Variants in SLC5A1 observed in about 807,000 individuals in gnomAD.
SLC5A1 encodes the protein sodium/glucose cotransporter 1.
Under a neutral mutation model 73.5 loss-of-function variants are expected in SLC5A1, and 42 were observed. That is an observed-to-expected ratio of 0.57 (90% confidence interval 0.45 to 0.74). The LOEUF (loss-of-function observed/expected upper bound fraction) is 0.74, where lower values mean the gene tolerates loss of function less well. Among genes scored for constraint, SLC5A1 ranks in the 30% least tolerant of loss-of-function variants. The pLI is 0.00. For missense variants in SLC5A1, 634 were observed against 855.4 expected, an observed-to-expected ratio of 0.74 and a Z score of 3.23; for synonymous variants, 300 against 317.4, an observed-to-expected ratio of 0.95 and a Z score of 0.58.
chr22:32,055,093 C>T (rs1037464870), intron 2 of SLC5A1, among the ~76,000 whole-genome samples: 1 of 152,156 alleles, frequency 6.6e-6, no homozygotes, highest in African/African-American at 2.4e-5. Context: ...AACCTCTAAA[C>T]GCCAGTGGAA....
intron 1 of SLC5A1, among the ~76,000 whole-genome samples, chr22:32,044,713 A>G (rs1457145604): frequency 6.6e-6 from 1 of 152,146 alleles, no homozygotes. Flanking sequence ...AACATTGGGT[A>G]ACTTCCCTCA....
chr22:32,060,148 C>CT (rs1569302275), intron 2 of SLC5A1, among the ~76,000 whole-genome samples: 1 of 32,522 alleles, frequency 3.1e-5, no homozygotes, highest in African/African-American at 5.7e-5. Flanking sequence ...TACACATACA[C>CT]ACACACACAC....
At chr22:32,070,623 T>C (rs929074966) in intron 5 of SLC5A1, among the ~76,000 whole-genome samples, 1 of 152,148 alleles carries the variant, frequency 6.6e-6, no homozygotes, top group Non-Finnish European at 1.5e-5. Context: ...CATGAGCCAC[T>C]GCACCCGGCC....
At chr22:32,071,963 C>G (rs1455393332) in intron 5 of SLC5A1, among the ~76,000 whole-genome samples, 1 of 152,128 alleles carries the variant, frequency 6.6e-6, no homozygotes, top group Admixed American at 6.5e-5. Context: ...CACTCACGGA[C>G]CTAACACTGA....
intron 14 of SLC5A1, among the ~76,000 whole-genome samples, chr22:32,105,913 GTCTCAT>G (rs771783623): frequency 2.6e-5 from 4 of 152,136 alleles, no homozygotes; most frequent in Non-Finnish European, 5.9e-5. Flanking sequence ...AAATGACAGG[GTCTCAT>G]TCTTTCTTTA....
intron 1 of SLC5A1, among the ~76,000 whole-genome samples, chr22:32,049,225 C>A (rs867893583): frequency 4.7e-5 from 4 of 84,232 alleles, no homozygotes; most frequent in Non-Finnish European, 1.0e-4. Flanking sequence ...ATATCTATAT[C>A]TATATATATG....
chr22:32,065,153 C>T (rs1298658442), intron 2 of SLC5A1, among the ~76,000 whole-genome samples: 10 of 152,094 alleles, frequency 6.6e-5, no homozygotes, highest in Admixed American at 6.6e-4. Flanking sequence ...CACTATGTTG[C>T]TCAGGCTGGT....
At chr22:32,059,088 G>C (rs2093956282) in intron 2 of SLC5A1, 1 of 985,354 alleles carries the variant, frequency 1.0e-6, no homozygotes, top group African/African-American at 1.7e-5. Context: ...CTGTTAAGTG[G>C]AAGCAGGACT....
rs776373308 is a variant in SLC5A1, at chr22:32,089,016, T to C, written c.1130-2596T>C. On this transcript the variant is annotated intron_variant, in intron 10 of 14. Transcript: ENST00000266088. Reference sequence around the variant, plus strand: ...CACTGTAAAATTATGCACTGTAAAATTGTGTTCAGCAAATATTTGTTGAGT... The same window carrying C: ...CACTGTAAAATTATGCACTGTAAAACTGTGTTCAGCAAATATTTGTTGAGT... 5.2e-4 allele frequency among the ~76,000 whole-genome samples: 79 copies of C among 152,212 alleles called. 1 individual carries two copies. The highest frequency in any genetic ancestry group is 1.0e-3 in the Non-Finnish European group (68 of 68,032).
chr22:32,103,815 A>G (rs1480333689), intron 13 of SLC5A1, among the ~76,000 whole-genome samples: 1 of 152,206 alleles, frequency 6.6e-6, no homozygotes, highest in Non-Finnish European at 1.5e-5. Context: ...TCAAGACTTC[A>G]AAAGTTGCAA....
chr22:32,099,421 C>T (rs2094032671), intron 12 of SLC5A1, 70 bp downstream of exon 12: 10 of 1,381,052 alleles, frequency 7.2e-6, no homozygotes, highest in African/African-American at 1.4e-5. Context: ...TTTGCATATT[C>T]TCTGTGGGAG....
intron 2 of SLC5A1, among the ~76,000 whole-genome samples, chr22:32,062,973 C>T (rs973556818): frequency 2.0e-5 from 3 of 152,052 alleles, no homozygotes; most frequent in African/African-American, 4.8e-5. Flanking sequence ...GGTTGGCTTC[C>T]GGGGAGGCCT....
intron 2 of SLC5A1, among the ~76,000 whole-genome samples, chr22:32,056,074 T>C (rs1422314953): frequency 6.6e-6 from 1 of 152,152 alleles, no homozygotes; most frequent in Non-Finnish European, 1.5e-5. Flanking sequence ...TCTGTGGGAG[T>C]GCAGTGACGT....
chr22:32,082,977 A>C, intron 6 of SLC5A1, 97 bp from the exon 7 acceptor site: 1 of 936,828 alleles, frequency 1.1e-6, no homozygotes, highest in Non-Finnish European at 1.6e-6. Flanking sequence ...TGTTCTCAGA[A>C]GGCCAGCAGA....
At chr22:32,078,819 G>T (rs1303664738) in intron 5 of SLC5A1, among the ~76,000 whole-genome samples, 1 of 151,932 alleles carries the variant, frequency 6.6e-6, no homozygotes, top group Admixed American at 6.6e-5. Flanking sequence ...GCCAGGCATG[G>T]TGGCACGCAA....
chr22:32,047,745 G>A (rs1363043099), intron 1 of SLC5A1, among the ~76,000 whole-genome samples: 1 of 152,182 alleles, frequency 6.6e-6, no homozygotes, highest in African/African-American at 2.4e-5. Context: ...ATCTGTCTCA[G>A]GCATGTTTGA....
intron 4 of SLC5A1, 43 bp downstream of exon 4, chr22:32,068,069 A>G (rs772485348): frequency 1.3e-6 from 2 of 1,586,284 alleles, no homozygotes; most frequent in Admixed American, 1.7e-5. Flanking sequence ...TGGCAAATGT[A>G]TCTGTCAGCT....
Position 32,110,040 on chromosome 22 carries a change from C to A in SLC5A1, c.1822C>A (p.Leu608Ile), listed in dbSNP as rs1470114645. Residue 608 changes from leucine to isoleucine, a missense_variant, in exon 15 of 15, where the codon CTA becomes ATA. By Grantham distance (5) the Leu-to-Ile change is conservative. This residue lies in a region of SLC5A1 where 161 missense variants were observed against 178.7 expected (regional missense o/e 0.90). Coordinates refer to ENST00000266088, the MANE Select transcript of SLC5A1 (RefSeq NM_000343.4). ...KKGIFRRAYD[L>I]FCGLEQHGAP... ...AGGAATCTTCAGGAGAGCCTATGAC[C>A]TATTTTGTGGGCTAGAGCAGCACGG... 1 of 1,613,992 alleles carries A rather than the reference C, an allele frequency of 6.2e-7. No individual in the cohort carries two copies. The highest frequency in any genetic ancestry group is 1.3e-5 in the African/African-American group (1 of 74,900).
intron 11 of SLC5A1, among the ~76,000 whole-genome samples, chr22:32,094,763 C>T (rs2094023629): frequency 6.6e-6 from 1 of 151,462 alleles, no homozygotes; most frequent in Non-Finnish European, 1.5e-5. Context: ...AATGGTCTAT[C>T]AATTTTATTT....
Sources: allele counts gnomAD v4.1 joint callset (sites outside exome capture counted in the v4.1 genomes callset), GRCh38; gene constraint gnomAD v4.1.1; regional missense constraint gnomAD v4.1.1; transcripts MANE v1.5; gene names NCBI Gene and HGNC (gene_info 2026-07-23, HGNC 2026-07-21).